The following NRXN3 variants were observed in gnomAD, a reference collection of about 807,000 sequenced individuals.
NRXN3 encodes the protein neurexin 3.
In NRXN3, 32 loss-of-function variants were observed where a neutral mutation model predicts 137.6. That is an observed-to-expected ratio of 0.23 (90% CI 0.18 to 0.31). The LOEUF is 0.31. Ranked by LOEUF, NRXN3 falls within the 10% of genes least tolerant of loss-of-function variation. The probability of loss-of-function intolerance (pLI) is 1.00; values close to 1 mark genes in which losing one functional copy is unlikely to be tolerated. For synonymous variants in NRXN3, 798 were observed against 784.5 expected (o/e 1.02, Z -0.29); for missense variants, 1,574 against 2,062.5 (o/e 0.76, Z 4.59).
chr14:78,564,200 G>A, intron 4 of NRXN3, among the ~76,000 whole-genome samples: 1 of 152,182 alleles, frequency 6.6e-6, no homozygotes, highest in East Asian at 1.9e-4. Flanking sequence ...GAGAGGAGGT[G>A]AATTCTGGCT....
intron 16 of NRXN3, among the ~76,000 whole-genome samples, chr14:79,633,672 G>C (rs2098379328): frequency 6.6e-6 from 1 of 152,180 alleles, no homozygotes; most frequent in East Asian, 1.9e-4. Context: ...AATCCACAAA[G>C]AATATTTTAA....
At chr14:78,601,257 T>TAAA (rs200942003) in intron 4 of NRXN3, among the ~76,000 whole-genome samples, 1 of 151,666 alleles carries the variant, frequency 6.6e-6, no homozygotes, top group Non-Finnish European at 1.5e-5. Flanking sequence ...ACTTTTGGCT[T>TAAA]AAAAAAAAAT....
chr14:78,923,704 C>A (rs759963585), intron 10 of NRXN3, among the ~76,000 whole-genome samples: 2 of 152,124 alleles, frequency 1.3e-5, no homozygotes, highest in African/African-American at 2.4e-5. Flanking sequence ...TTGATCTGTG[C>A]GTGTGCCTGA....
chr14:79,409,627 A>G (rs1003398647), intron 15 of NRXN3, among the ~76,000 whole-genome samples: 1 of 145,418 alleles, frequency 6.9e-6, no homozygotes, highest in South Asian at 2.1e-4. Flanking sequence ...CTATATATAT[A>G]TATATATATA....
intron 20 of NRXN3, among the ~76,000 whole-genome samples, chr14:79,809,021 A>T (rs948263798): frequency 6.6e-6 from 1 of 152,196 alleles, no homozygotes; most frequent in Non-Finnish European, 1.5e-5. Context: ...TTTTCACGGT[A>T]TATTTTTGCT....
intron 8 of NRXN3, among the ~76,000 whole-genome samples, chr14:78,783,727 G>A (rs2098778440): frequency 6.6e-6 from 1 of 152,078 alleles, no homozygotes; most frequent in African/African-American, 2.4e-5. Context: ...CTTCCAGTTT[G>A]CTTACAGAAT....
chr14:79,574,187 CTTA>C (rs1452689349), intron 16 of NRXN3, among the ~76,000 whole-genome samples: 1 of 151,860 alleles, frequency 6.6e-6, no homozygotes, highest in Non-Finnish European at 1.5e-5. Context: ...TTAGAAATCT[CTTA>C]TATTTCTTCC....
chr14:79,858,173 C>A (rs2099406837), intron 20 of NRXN3, among the ~76,000 whole-genome samples: 1 of 145,580 alleles, frequency 6.9e-6, no homozygotes, highest in Non-Finnish European at 1.5e-5. Context: ...ATCTAAGATA[C>A]TTGCATTAGT....
intron 16 of NRXN3, among the ~76,000 whole-genome samples, chr14:79,663,246 G>A (rs1319123722): frequency 2.7e-5 from 4 of 146,858 alleles, no homozygotes; most frequent in African/African-American, 7.9e-5. Flanking sequence ...GTGTGTGTAC[G>A]CGTGTGTGTG....
intron 8 of NRXN3, among the ~76,000 whole-genome samples, chr14:78,721,584 C>CA (rs2098460077): frequency 6.6e-6 from 1 of 152,170 alleles, no homozygotes; most frequent in East Asian, 1.9e-4. Flanking sequence ...GTTATATCAG[C>CA]ACTGCAATCA....
intron 4 of NRXN3, among the ~76,000 whole-genome samples, chr14:78,342,894 C>T (rs1416975382): frequency 2.0e-5 from 3 of 152,118 alleles, no homozygotes; most frequent in African/African-American, 4.8e-5. Context: ...TTAGATTGTT[C>T]ATTTCTTTAT....
At chr14:79,818,043 T>TG (rs1312194098) in intron 20 of NRXN3, among the ~76,000 whole-genome samples, 72 of 142,514 alleles carry the variant, frequency 5.1e-4, no homozygotes, top group South Asian at 2.2e-3. Flanking sequence ...TATGTGCACT[T>TG]GGGTTTTTTT....
chr14:79,136,962 C>G (rs1446869664), intron 15 of NRXN3, among the ~76,000 whole-genome samples: 1 of 152,166 alleles, frequency 6.6e-6, no homozygotes, highest in African/African-American at 2.4e-5. Context: ...AATTCTCATT[C>G]TGGAAAGCTT....
chr14:78,543,958 A>G (rs1287939178), intron 4 of NRXN3, among the ~76,000 whole-genome samples: 1 of 152,144 alleles, frequency 6.6e-6, no homozygotes, highest in Non-Finnish European at 1.5e-5. Context: ...AGGTGCATAG[A>G]ATGAATATTA....
rs145558634 is a variant in NRXN3, at chr14:79,453,170, G to A, written c.3263-14051G>A. On this transcript the variant is annotated intron_variant, in intron 15 of 20. Coordinates refer to ENST00000335750, the MANE Select transcript of NRXN3 (RefSeq NM_001330195.2). ...CAGCCAGGCGTGGTGGCTCACACCTGTAATCCCAGAACTTTGGGAGGCAGA... is the reference window on the plus strand; with the variant it reads ...CAGCCAGGCGTGGTGGCTCACACCTATAATCCCAGAACTTTGGGAGGCAGA... Among the ~76,000 whole-genome samples the A allele has an allele frequency of 7.9e-3, 1,200 of 152,238 alleles. 9 individuals carry two copies. The highest frequency in any genetic ancestry group is 0.027 in the African/African-American group (1,129 of 41,532).
At chr14:78,812,993 C>A (rs1446709658) in intron 10 of NRXN3, among the ~76,000 whole-genome samples, 2 of 151,530 alleles carry the variant, frequency 1.3e-5, no homozygotes, top group Admixed American at 1.3e-4. Flanking sequence ...AACCACGTAT[C>A]TAGGGTTATG....
intron 16 of NRXN3, among the ~76,000 whole-genome samples, chr14:79,488,816 T>A (rs1258318121): frequency 3.9e-5 from 6 of 152,262 alleles, no homozygotes; most frequent in Admixed American, 2.6e-4. Flanking sequence ...GAAGAAAGTA[T>A]AAGATTTTTA....
chr14:78,498,317 T>C (rs1259852480), intron 4 of NRXN3, among the ~76,000 whole-genome samples: 1 of 152,132 alleles, frequency 6.6e-6, no homozygotes, highest in African/African-American at 2.4e-5. Flanking sequence ...GCCTGGACAT[T>C]TGAAGGGATT....
chr14:78,295,379 A>G (rs1294836696), intron 3 of NRXN3, among the ~76,000 whole-genome samples: 1 of 152,168 alleles, frequency 6.6e-6, no homozygotes, highest in African/African-American at 2.4e-5. Flanking sequence ...ATTTTATTTG[A>G]GTGGCAATAC....
Sources: allele counts gnomAD v4.1 joint callset (sites outside exome capture counted in the v4.1 genomes callset), GRCh38; gene constraint gnomAD v4.1.1; transcripts MANE v1.5; gene names NCBI Gene and HGNC (gene_info 2026-07-23, HGNC 2026-07-21).